The following DMD variants were observed in gnomAD, a reference collection of about 807,000 sequenced individuals.
DMD encodes the protein mutant dystrophin.
Under a neutral mutation model 330.1 loss-of-function variants are expected in DMD, and 63 were observed. That is an observed-to-expected ratio of 0.19 (90% CI 0.16 to 0.24). The LOEUF (loss-of-function observed/expected upper bound fraction) is 0.24, where lower values mean the gene tolerates loss of function less well. Ranked by LOEUF, DMD falls within the 10% of genes least tolerant of loss-of-function variation. The pLI is 1.00. For missense variants in DMD, 3,344 were observed against 2,684.1 expected, an observed-to-expected ratio of 1.25 and a Z score of -5.43; for synonymous variants, 1,223 against 959.8, an observed-to-expected ratio of 1.27 and a Z score of -5.07.
chrX:33,064,442 T>C (rs1355306737), intron 1 of DMD, among the ~76,000 whole-genome samples: 3 of 112,093 alleles, frequency 2.7e-5, no homozygotes, highest in Non-Finnish European at 5.6e-5. Flanking sequence ...TTAACTATTA[T>C]ATAGTGATAT....
At chrX:31,758,532 T>TTC (rs750775079) in intron 51 of DMD, among the ~76,000 whole-genome samples, 6 of 110,128 alleles carry the variant, frequency 5.4e-5, no homozygotes, top group East Asian at 5.7e-4. Flanking sequence ...TGAAACATGT[T>TTC]TCTCTCTCTC....
intron 39 of DMD, among the ~76,000 whole-genome samples, chrX:32,344,500 T>A (rs1303159801): frequency 9.0e-6 from 1 of 111,256 alleles, no homozygotes; most frequent in Non-Finnish European, 1.9e-5. Context: ...CTGTACTTTA[T>A]GTTTTATGTT....
rs1356831011 is a variant in DMD at position 31,121,089 on chromosome X, A to T, written c.*830T>A. ...CGGCTCCGGGAAAAATCCATTCTAGACCAAGCAGGTAAGCCTGGATGACTG... is the reference window on the plus strand; with the variant it reads ...CGGCTCCGGGAAAAATCCATTCTAGTCCAAGCAGGTAAGCCTGGATGACTG... On this transcript the variant is annotated 3_prime_UTR_variant, in exon 79 of 79. Coordinates refer to ENST00000357033, the MANE Select transcript of DMD (RefSeq NM_004006.3). 3.6e-5 allele frequency: 4 copies of T among 111,941 alleles called. No homozygotes were observed. The highest frequency in any genetic ancestry group is 5.7e-5 in the Non-Finnish European group (3 of 53,083). The allele number at this position is 111,941 out of a possible 1,213,427, so 9.2% of individuals were successfully genotyped here.
chrX:31,411,466 C>T (rs7884009), intron 60 of DMD, among the ~76,000 whole-genome samples: 4,600 of 111,782 alleles, frequency 0.041, 127 homozygotes, highest in East Asian at 0.15. Flanking sequence ...GCGATTACTA[C>T]GGCAACAAAA....
chrX:32,354,500 G>A (rs867235267), intron 37 of DMD, among the ~76,000 whole-genome samples: 5 of 111,307 alleles, frequency 4.5e-5, no homozygotes, highest in Non-Finnish European at 7.6e-5. Flanking sequence ...ACAAATAAGT[G>A]TATTGGAAAG....
chrX:31,745,652 T>C (rs772733457), intron 51 of DMD, among the ~76,000 whole-genome samples: 39 of 112,187 alleles, frequency 3.5e-4, no homozygotes, highest in Non-Finnish European at 5.3e-4. Flanking sequence ...TTCAACCCCA[T>C]TGCTTGTAAA....
intron 1 of DMD, among the ~76,000 whole-genome samples, chrX:33,043,458 A>T (rs184854620): frequency 1.8e-5 from 2 of 111,083 alleles, no homozygotes; most frequent in Non-Finnish European, 3.8e-5. Flanking sequence ...TCCAGTTACC[A>T]CAGTGAAAGA....
chrX:31,867,089 T>TATATA (rs1395456607), intron 48 of DMD, among the ~76,000 whole-genome samples: 1 of 63,460 alleles, frequency 1.6e-5, no homozygotes, highest in African/African-American at 7.2e-5. Flanking sequence ...GCAACATATT[T>TATATA]TGATATATAT....
chrX:32,305,091 C>T lies in DMD; in HGVS notation c.6117+4991G>A, dbSNP rs1228543133. On this transcript the variant is annotated intron_variant, in intron 42 of 78. Coordinates refer to ENST00000357033, the MANE Select transcript of DMD (RefSeq NM_004006.3). ...GTATTACAATACGCATATAAACAAT[C>T]GTTCTTTTATTTTCCTTCAGATATT... Among the ~76,000 whole-genome samples, 8 of 111,359 alleles carry T rather than the reference C, an allele frequency of 7.2e-5. No homozygotes were observed. In the Admixed American group the frequency reaches 7.6e-4, roughly 11 times the overall value.
At chrX:31,874,830 C>T (rs1603513074) in intron 48 of DMD, among the ~76,000 whole-genome samples, 1 of 111,091 alleles carries the variant, frequency 9.0e-6, no homozygotes, top group South Asian at 3.8e-4. Context: ...GATAAGATAA[C>T]CCTGGCCTAT....
At chrX:31,265,056 A>G (rs769048640) in intron 62 of DMD, among the ~76,000 whole-genome samples, 69 of 112,837 alleles carry the variant, frequency 6.1e-4, no homozygotes, top group African/African-American at 2.1e-3. Flanking sequence ...AAATATTCCA[A>G]ACAGTTGCCT....
chrX:31,532,367 T>G (rs1307793964), intron 55 of DMD, among the ~76,000 whole-genome samples: 9 of 27,970 alleles, frequency 3.2e-4, no homozygotes, highest in Non-Finnish European at 4.3e-4. Flanking sequence ...ACCCAGAATT[T>G]CATATCCAGC....
chrX:31,258,170 A>G (rs964491005), intron 63 of DMD, among the ~76,000 whole-genome samples: 2 of 112,387 alleles, frequency 1.8e-5, no homozygotes, highest in Non-Finnish European at 3.7e-5. Flanking sequence ...AAAATCAATG[A>G]GAACAGTGAA....
chrX:31,753,888 TGTTAA>T (rs1184687355), intron 51 of DMD, among the ~76,000 whole-genome samples: 2 of 111,807 alleles, frequency 1.8e-5, no homozygotes, highest in East Asian at 5.6e-4. Flanking sequence ...AGATTTGAAG[TGTTAA>T]GTAGCATGTT....
intron 44 of DMD, among the ~76,000 whole-genome samples, chrX:32,184,063 T>C (rs748125370): frequency 3.6e-5 from 4 of 110,483 alleles, no homozygotes; most frequent in Non-Finnish European, 7.6e-5. Flanking sequence ...TTGAGGGACA[T>C]TGTAAATATC....
chrX:32,761,713 G>A (rs1025658044), intron 7 of DMD, among the ~76,000 whole-genome samples: 1 of 111,791 alleles, frequency 8.9e-6, no homozygotes, highest in African/African-American at 3.2e-5. Flanking sequence ...ATTGCAGAAT[G>A]TTGCCCCAGA....
At chrX:31,662,192 G>A (rs944341577) in intron 53 of DMD, among the ~76,000 whole-genome samples, 5 of 111,746 alleles carry the variant, frequency 4.5e-5, no homozygotes, top group African/African-American at 1.6e-4. Context: ...CAGTATTTAT[G>A]TGGAAATATG....
At chrX:32,585,230 ACGCTTAGAT>A (rs1317058120) in intron 13 of DMD, among the ~76,000 whole-genome samples, 1 of 111,529 alleles carries the variant, frequency 9.0e-6, no homozygotes, top group East Asian at 2.8e-4. Context: ...ATGGGTACAT[ACGCTTAGAT>A]AGAAGGAATA....
intron 17 of DMD, among the ~76,000 whole-genome samples, chrX:32,541,475 A>G (rs916726920): frequency 8.9e-6 from 1 of 112,442 alleles, no homozygotes; most frequent in Non-Finnish European, 1.9e-5. Flanking sequence ...TGTTTTATAA[A>G]GTGAGAATAC....
Sources: gnomAD v4.1 joint callset for allele counts (sites outside exome capture counted in the v4.1 genomes callset) on GRCh38, gnomAD v4.1.1 for gene constraint, MANE v1.5 for transcripts, NCBI Gene and HGNC (gene_info 2026-07-23, HGNC 2026-07-21) for gene names.